TBL1XR1: variants seen among roughly 807,000 people sequenced by gnomAD.
The protein encoded by TBL1XR1 is TBL1X/Y related 1, also known as F-box-like/WD repeat-containing protein TBL1XR1.
In TBL1XR1, 5 loss-of-function variants were observed where a neutral mutation model predicts 66.9. The observed-to-expected ratio is 0.07, with a 90% confidence interval of 0.04 to 0.16. The LOEUF (loss-of-function observed/expected upper bound fraction) is 0.16, where lower values mean the gene tolerates loss of function less well. TBL1XR1 is among the 10% of genes least tolerant of loss of function. The pLI, the probability that TBL1XR1 is intolerant of heterozygous loss-of-function variation, is 1.00. For synonymous variants in TBL1XR1, 210 were observed against 206.0 expected (o/e 1.02, Z -0.17); for missense variants, 238 against 623.2 (o/e 0.38, Z 6.58).
intron 12 of TBL1XR1, among the ~76,000 whole-genome samples, chr3:177,037,251 A>C (rs1714927474): frequency 6.6e-6 from 1 of 152,264 alleles, no homozygotes. Context: ...TCAAATCTTT[A>C]CATATGCAAA....
intron 1 of TBL1XR1, among the ~76,000 whole-genome samples, chr3:177,189,806 A>G (rs1380475212): frequency 1.3e-5 from 2 of 152,136 alleles, no homozygotes; most frequent in Admixed American, 6.5e-5. Context: ...ACTCACTTAC[A>G]TTGTATAATA....
chr3:177,135,308 T>TGTCTGTGTGTGTGTGC (rs1728810585), intron 1 of TBL1XR1, among the ~76,000 whole-genome samples: 1 of 4,060 alleles, frequency 2.5e-4, no homozygotes, highest in Admixed American at 7.7e-3. Context: ...GGCCGCACTC[T>TGTCTGTGTGTGTGTGC]GTGTGTGTGT....
intron 1 of TBL1XR1, among the ~76,000 whole-genome samples, chr3:177,140,836 A>T (rs1729548096): frequency 6.6e-6 from 1 of 152,166 alleles, no homozygotes; most frequent in Non-Finnish European, 1.5e-5. Context: ...GTAGTTGCAA[A>T]CTCTAATCCT....
intron 2 of TBL1XR1, among the ~76,000 whole-genome samples, chr3:177,070,553 G>A (rs976189831): frequency 3.9e-5 from 6 of 152,102 alleles, no homozygotes; most frequent in Admixed American, 2.6e-4. Context: ...AGTCAGACAC[G>A]AAAAATAAAA....
chr3:177,047,393 G>C lies in TBL1XR1; in HGVS notation c.771C>G (p.Asn257Lys). Residue 257 changes from asparagine to lysine, a missense_variant, in exon 9 of 16, where the codon AAC becomes AAG. Asn to Lys is a moderately conservative substitution (Grantham distance 94). Transcript: ENST00000457928. Reference protein sequence around the residue: ...GFARIWTKDGNLASTLGQHKG... With the variant: ...GFARIWTKDGKLASTLGQHKG... ...TATGCTGCCCTAAGGTGCTAGCAAG[G>C]TTACCTAAAATGCAAAAGAAAAACA... 1 of 1,584,290 alleles carries C rather than the reference G, an allele frequency of 6.3e-7. No homozygotes were observed. The highest frequency in any genetic ancestry group is 8.6e-7 in the Non-Finnish European group (1 of 1,164,052).
rs77774764 is a variant in TBL1XR1, at chr3:177,163,072, C to T, written c.-122+34049G>A. On this transcript the variant is annotated intron_variant, in intron 1 of 15. Coordinates refer to ENST00000457928, the MANE Select transcript of TBL1XR1 (RefSeq NM_024665.7). ...TTTATCATACAGATATCCTTTTATGCATAGGGAATGATCTATGTACCAAGG... is the reference window on the plus strand; with the variant it reads ...TTTATCATACAGATATCCTTTTATGTATAGGGAATGATCTATGTACCAAGG... Among the ~76,000 whole-genome samples the T allele has an allele frequency of 8.3e-4, 127 of 152,272 alleles. 2 individuals carry two copies. In the East Asian group the frequency reaches 0.023, roughly 28 times the overall value.
chr3:177,144,669 C>T (rs1730033646), intron 1 of TBL1XR1, among the ~76,000 whole-genome samples: 1 of 151,394 alleles, frequency 6.6e-6, no homozygotes, highest in African/African-American at 2.4e-5. Context: ...AGGAGAATGG[C>T]GTGAACCCAG....
chr3:177,093,680 C>T (rs558754093), intron 2 of TBL1XR1, among the ~76,000 whole-genome samples: 1 of 152,260 alleles, frequency 6.6e-6, no homozygotes, highest in African/African-American at 2.4e-5. Flanking sequence ...ATATTTACAG[C>T]CAACTGATCT....
In TBL1XR1 at chr3:177,024,588, T is replaced by C. The variant is rs187377834; in HGVS notation, c.*910A>G. On this transcript the variant is annotated 3_prime_UTR_variant, in exon 16 of 16. Transcript: ENST00000457928. ...TATGGCTACAAAACATCAGAAGATT[T>C]TTTTTAATGTATCTTCTCTATGGTA... is the stretch of plus-strand genomic sequence containing the variant. The C allele has an allele frequency of 2.6e-3, 399 of 152,174 alleles. 5 individuals carry two copies. The highest frequency in any genetic ancestry group is 2.2e-3 in the Non-Finnish European group (152 of 67,922). 9.4% of individuals were successfully genotyped at this position (152,174 alleles called of 1,614,324 possible).
intron 1 of TBL1XR1, among the ~76,000 whole-genome samples, chr3:177,116,846 T>C (rs1374535996): frequency 6.6e-6 from 1 of 152,222 alleles, no homozygotes; most frequent in Admixed American, 6.5e-5. Context: ...ATGGTAGCTG[T>C]TGCTATTTTT....
At chr3:177,186,408 AAAG>A (rs1577425219) in intron 1 of TBL1XR1, among the ~76,000 whole-genome samples, 1 of 152,116 alleles carries the variant, frequency 6.6e-6, no homozygotes, top group East Asian at 1.9e-4. Context: ...AATTGCAGAA[AAAG>A]AAAAGATAAA....
chr3:177,058,042 C>T (rs954366800), intron 3 of TBL1XR1, among the ~76,000 whole-genome samples: 5 of 152,084 alleles, frequency 3.3e-5, no homozygotes, highest in Non-Finnish European at 5.9e-5. Context: ...CAGAGCCTGC[C>T]AACTCTACCT....
intron 2 of TBL1XR1, among the ~76,000 whole-genome samples, chr3:177,092,117 T>A (rs975817563): frequency 2.0e-5 from 3 of 152,164 alleles, no homozygotes; most frequent in African/African-American, 7.2e-5. Flanking sequence ...GCTCCCATTG[T>A]GAAAATGTGA....
intron 1 of TBL1XR1, among the ~76,000 whole-genome samples, chr3:177,123,109 C>A (rs2108761879): frequency 6.6e-6 from 1 of 152,162 alleles, no homozygotes; most frequent in African/African-American, 2.4e-5. Flanking sequence ...GCAGAGAAAC[C>A]TGTGAACAGC....
At chr3:177,169,547 A>T (rs954630553) in intron 1 of TBL1XR1, among the ~76,000 whole-genome samples, 1 of 152,226 alleles carries the variant, frequency 6.6e-6, no homozygotes, top group Non-Finnish European at 1.5e-5. Flanking sequence ...TATGCACTAC[A>T]TGTATATTCA....
intron 13 of TBL1XR1, among the ~76,000 whole-genome samples, chr3:177,033,444 CCT>C (rs1200869180): frequency 1.3e-5 from 2 of 152,148 alleles, no homozygotes; most frequent in African/African-American, 2.4e-5. Flanking sequence ...TTACTGTATT[CCT>C]CTCTGTCTAA....
chr3:177,140,817 C>CA (rs1729545405), intron 1 of TBL1XR1, among the ~76,000 whole-genome samples: 2 of 152,128 alleles, frequency 1.3e-5, no homozygotes, highest in African/African-American at 4.8e-5. Context: ...AAAGGAGGTT[C>CA]AAAATCACGT....
chr3:177,101,090 C>T (rs9859472), intron 1 of TBL1XR1, among the ~76,000 whole-genome samples: 8 of 152,236 alleles, frequency 5.3e-5, no homozygotes, highest in East Asian at 3.9e-4. Flanking sequence ...CTCCCAACCT[C>T]GGGTGATCTG....
At chr3:177,037,601 G>C (rs1714986986) in intron 12 of TBL1XR1, 1 of 153,404 alleles carries the variant, frequency 6.5e-6, no homozygotes, top group Non-Finnish European at 1.4e-5. Context: ...CTGCTGAGTT[G>C]GTATATTGGT....
Sources: gnomAD v4.1 joint callset for allele counts (sites outside exome capture counted in the v4.1 genomes callset) on GRCh38, gnomAD v4.1.1 for gene constraint, MANE v1.5 for transcripts, NCBI Gene and HGNC (gene_info 2026-07-23, HGNC 2026-07-21) for gene names.